WASHC3: variants seen among roughly 807,000 people sequenced by gnomAD.
The protein encoded by WASHC3 is WASH complex subunit 3.
Under a neutral mutation model 26.1 loss-of-function variants are expected in WASHC3, and 24 were observed. The observed-to-expected ratio is 0.92, with a 90% CI of 0.66 to 1.29. WASHC3 has a LOEUF of 1.29. Among genes scored for constraint, WASHC3 ranks in the 50% most tolerant of loss-of-function variants. The pLI is 0.00. For synonymous variants in WASHC3, 77 were observed against 75.7 expected (o/e 1.02, Z -0.09); for missense variants, 214 against 229.6 (o/e 0.93, Z 0.44).
At chr12:102,061,760 G>A (rs1424700080) in intron 1 of WASHC3, among the ~76,000 whole-genome samples, 152 bp downstream of exon 1, 6 of 152,108 alleles carry the variant, frequency 3.9e-5, no homozygotes, top group African/African-American at 1.4e-4. Flanking sequence ...GGTGGACTGT[G>A]GGGCTCTCCC....
At chr12:102,024,490 A>G (rs1877092189) in intron 6 of WASHC3, among the ~76,000 whole-genome samples, 1 of 152,218 alleles carries the variant, frequency 6.6e-6, no homozygotes, top group Admixed American at 6.5e-5. Flanking sequence ...GTGGGTAAGG[A>G]AGAAGACAGA....
intron 2 of WASHC3, among the ~76,000 whole-genome samples, chr12:102,055,324 A>C (rs2136690519): frequency 6.6e-6 from 1 of 152,282 alleles, no homozygotes; most frequent in African/African-American, 2.4e-5. Context: ...GTTTGAAAGA[A>C]TCAGCGAAGC....
intron 6 of WASHC3, among the ~76,000 whole-genome samples, chr12:102,014,161 C>A (rs895558029): frequency 5.1e-5 from 7 of 136,156 alleles, no homozygotes; most frequent in African/African-American, 8.2e-5. Flanking sequence ...CGGCTCACTG[C>A]AACCTCTGTC....
At chr12:102,027,073 A>G (rs1412427550) in intron 5 of WASHC3, among the ~76,000 whole-genome samples, 2 of 152,208 alleles carry the variant, frequency 1.3e-5, no homozygotes, top group Admixed American at 6.5e-5. Flanking sequence ...ATAATTGCAC[A>G]TGTTTATGTG....
At chr12:102,033,925 C>T (rs763370464) in intron 5 of WASHC3, among the ~76,000 whole-genome samples, 1 of 152,096 alleles carries the variant, frequency 6.6e-6, no homozygotes, top group East Asian at 1.9e-4. Flanking sequence ...ATGTTGTTAT[C>T]GGTCTTTCTC....
intron 2 of WASHC3, among the ~76,000 whole-genome samples, chr12:102,051,746 T>C (rs769510369): frequency 6.6e-6 from 1 of 152,242 alleles, no homozygotes; most frequent in Non-Finnish European, 1.5e-5. Context: ...AATGAATGAC[T>C]AAGCAAATGA....
intron 2 of WASHC3, among the ~76,000 whole-genome samples, chr12:102,055,880 T>A (rs1044226222): frequency 5.3e-5 from 8 of 152,348 alleles, no homozygotes; most frequent in South Asian, 2.1e-4. Context: ...TAGTTTTTTT[T>A]AACTAGTTTT....
chr12:102,028,205 A>G (rs750120957), intron 5 of WASHC3, among the ~76,000 whole-genome samples: 52 of 152,214 alleles, frequency 3.4e-4, no homozygotes, highest in Non-Finnish European at 6.3e-4. Context: ...CTTGAATGAA[A>G]TATATTTAAA....
chr12:102,059,184 C>G (rs966967566), intron 2 of WASHC3, among the ~76,000 whole-genome samples: 1 of 151,980 alleles, frequency 6.6e-6, no homozygotes, highest in Admixed American at 6.5e-5. Context: ...CTAAGAGAGG[C>G]GATTTTAAGT....
chr12:102,022,103 C>G (rs1876984892), intron 6 of WASHC3, among the ~76,000 whole-genome samples: 1 of 152,052 alleles, frequency 6.6e-6, no homozygotes, highest in Non-Finnish European at 1.5e-5. Context: ...CACACTGCAC[C>G]CTCCCACTAA....
intron 2 of WASHC3, among the ~76,000 whole-genome samples, chr12:102,058,641 C>T (rs993215134): frequency 1.3e-5 from 2 of 151,970 alleles, no homozygotes; most frequent in African/African-American, 2.4e-5. Flanking sequence ...GAAAATAGTA[C>T]AGAGGTTCCA....
chr12:102,027,018 AG>A (rs150034695), intron 5 of WASHC3, among the ~76,000 whole-genome samples: 1 of 152,330 alleles, frequency 6.6e-6, no homozygotes, highest in East Asian at 1.9e-4. Flanking sequence ...ATCATTAGCC[AG>A]TTGTGATGTT....
At chr12:102,020,523 T>C (rs965055190) in intron 6 of WASHC3, among the ~76,000 whole-genome samples, 3 of 152,206 alleles carry the variant, frequency 2.0e-5, no homozygotes, top group African/African-American at 7.2e-5. Context: ...CTAGCTACTT[T>C]AAGGACAGAA....
chr12:102,039,645 A>G (rs1387220346), intron 5 of WASHC3, among the ~76,000 whole-genome samples: 1 of 152,102 alleles, frequency 6.6e-6, no homozygotes, highest in Admixed American at 6.5e-5. Flanking sequence ...ACATAAATCT[A>G]TATTAAACTA....
At chr12:102,029,885 C>T (rs533651902) in intron 5 of WASHC3, among the ~76,000 whole-genome samples, 5 of 152,246 alleles carry the variant, frequency 3.3e-5, no homozygotes, top group South Asian at 2.1e-4. Context: ...AAAAACGCTA[C>T]GGGTTGTTAA....
intron 6 of WASHC3, among the ~76,000 whole-genome samples, chr12:102,018,798 A>C (rs1045775096): frequency 1.3e-5 from 2 of 151,092 alleles, no homozygotes; most frequent in Non-Finnish European, 2.9e-5. Flanking sequence ...TTATTTATTT[A>C]TTTAGAGATG....
At chr12:102,023,443 T>G (rs1164779704) in intron 6 of WASHC3, among the ~76,000 whole-genome samples, 2 of 152,190 alleles carry the variant, frequency 1.3e-5, no homozygotes, top group Non-Finnish European at 2.9e-5. Flanking sequence ...CAGAACAATC[T>G]TTACTGAAAG....
intron 4 of WASHC3, among the ~76,000 whole-genome samples, chr12:102,042,697 C>T (rs573895252): frequency 1.0e-3 from 159 of 152,266 alleles, no homozygotes; most frequent in African/African-American, 3.7e-3. Context: ...AGAAAGCACT[C>T]TTGAAGTGTT....
At chr12:102,034,590 T>G (rs914236461) in intron 5 of WASHC3, among the ~76,000 whole-genome samples, 1 of 152,144 alleles carries the variant, frequency 6.6e-6, no homozygotes, top group Non-Finnish European at 1.5e-5. Context: ...AAGATTATGT[T>G]GACATAATAC....
Sources: allele counts gnomAD v4.1 joint callset (sites outside exome capture counted in the v4.1 genomes callset), GRCh38; gene constraint gnomAD v4.1.1; transcripts MANE v1.5; gene names NCBI Gene and HGNC (gene_info 2026-07-23, HGNC 2026-07-21).